Variants in CTSO observed in about 807,000 individuals in gnomAD.
CTSO encodes cathepsin O.
CTSO carries 40 observed loss-of-function variants against 42.4 expected under a neutral mutation model. That is an observed-to-expected ratio of 0.94 (90% confidence interval 0.73 to 1.23). The LOEUF is 1.23. Ranked by LOEUF, CTSO falls within the 50% of genes most tolerant of loss-of-function variation. The probability of loss-of-function intolerance (pLI) is 0.00; values close to 1 mark genes in which losing one functional copy is unlikely to be tolerated. For synonymous variants in CTSO, 156 were observed against 146.2 expected, an observed-to-expected ratio of 1.07 and a Z score of -0.48; for missense variants, 441 against 396.0, an observed-to-expected ratio of 1.11 and a Z score of -0.96.
chr4:155,927,078 A>T (rs1164364920), intron 7 of CTSO, among the ~76,000 whole-genome samples: 1 of 152,138 alleles, frequency 6.6e-6, no homozygotes, highest in Non-Finnish European at 1.5e-5. Flanking sequence ...TCTGGCCAAT[A>T]TATTTCTGTG....
chr4:155,939,533 T>A lies in CTSO; in HGVS notation c.390A>T (p.Gly130=). 1 of 1,611,026 alleles carries A rather than the reference T, an allele frequency of 6.2e-7. No individual in the cohort carries two copies. Residue 130 remains glycine, a synonymous_variant, in exon 4 of 8, where the codon GGA becomes GGT. Coordinates refer to ENST00000433477, the MANE Select transcript of CTSO (RefSeq NM_001334.3). Reference sequence around the variant, plus strand: ...CCACCACGCTGAAGGCCCAGCATCCTCCACACTGTTTAAAAACAGAAAAAG... The same window carrying A: ...CCACCACGCTGAAGGCCCAGCATCCACCACACTGTTTAAAAACAGAAAAAG... ...VTQVRNQQMC[G]GCWAFSVVGA...
rs1193057537 is a variant in CTSO at position 155,929,563 on chromosome 4, T to C, written c.817A>G (p.Ile273Val). 1 of 1,613,384 alleles carries C rather than the reference T, an allele frequency of 6.2e-7. No individual in the cohort carries two copies. The highest frequency in any genetic ancestry group is 8.5e-7 in the Non-Finnish European group (1 of 1,179,798). ...TTACCTGTTTTATCAAACCCAGTTA[T>C]GAGAACTGCATGATTTGCTTCTCCA... ...SSGEANHAVLITGFDKTGSTP... is the reference protein window; with the variant it reads ...SSGEANHAVLVTGFDKTGSTP... The change falls in exon 6 of 8, where the codon ATA becomes GTA. Residue 273 changes from isoleucine (I) to valine (V), a missense_variant. Ile to Val is a conservative substitution (Grantham distance 29). Transcript: ENST00000433477.
chr4:155,940,842 C>A (rs1352254876), intron 3 of CTSO, among the ~76,000 whole-genome samples: 28 of 136,082 alleles, frequency 2.1e-4, no homozygotes, highest in South Asian at 2.4e-4. Context: ...GACTCCGTCT[C>A]AAAAAAAAAA....
intron 3 of CTSO, among the ~76,000 whole-genome samples, chr4:155,941,623 C>T (rs574887832): frequency 6.6e-6 from 1 of 152,308 alleles, no homozygotes; most frequent in Non-Finnish European, 1.5e-5. Flanking sequence ...TCTTTTAAAA[C>T]ATATGTCATT....
chr4:155,948,351 G>A (rs908429994), intron 1 of CTSO, among the ~76,000 whole-genome samples: 10 of 144,810 alleles, frequency 6.9e-5, no homozygotes, highest in African/African-American at 2.5e-4. Flanking sequence ...CTTCTAAGAG[G>A]TAGAATCTCT....
At chr4:155,939,920 C>T (rs1176121069) in intron 3 of CTSO, among the ~76,000 whole-genome samples, 2 of 152,176 alleles carry the variant, frequency 1.3e-5, no homozygotes, top group Admixed American at 6.5e-5. Context: ...ACTCCCGCCC[C>T]AACCTTCCAT....
chr4:155,927,514 AATCCCAGCACT>A (rs1194348715), intron 7 of CTSO, among the ~76,000 whole-genome samples: 2 of 152,206 alleles, frequency 1.3e-5, no homozygotes, highest in Non-Finnish European at 2.9e-5. Context: ...TCACGCCTGT[AATCCCAGCACT>A]TTGGGAGGCC....
chr4:155,929,957 A>C (rs990122309), intron 5 of CTSO, among the ~76,000 whole-genome samples: 1 of 152,214 alleles, frequency 6.6e-6, no homozygotes, highest in African/African-American at 2.4e-5. Flanking sequence ...TTCATGGTCC[A>C]AGATGGTTGC....
At chr4:155,926,825 G>A (rs535966935) in intron 7 of CTSO, among the ~76,000 whole-genome samples, 99 of 152,272 alleles carry the variant, frequency 6.5e-4, no homozygotes, top group South Asian at 2.5e-3. Context: ...GGTGAGGGAC[G>A]TAGTTATAAT....
At position 155,953,275 on chromosome 4, in the gene CTSO, G is replaced by GA. The variant is rs997694677; in HGVS notation, c.135+437dup. Among the ~76,000 whole-genome samples, 60 of 147,744 alleles carry GA rather than the reference G, an allele frequency of 4.1e-4. 1 individual carries two copies. The highest frequency in any genetic ancestry group is 9.4e-4 in the African/African-American group (38 of 40,368). On this transcript the variant is annotated intron_variant, in intron 1 of 7. Transcript: ENST00000433477. ...TTCTGATCACTAGCGCCCTCCTCGG[G>GA]AAAAAAAAACACGACAGGTTTCTTC...
At chr4:155,935,154 G>T (rs1743307562) in intron 5 of CTSO, among the ~76,000 whole-genome samples, 1 of 152,108 alleles carries the variant, frequency 6.6e-6, no homozygotes, top group African/African-American at 2.4e-5. Context: ...GGTTTATCGG[G>T]GGTTACGCTT....
Position 155,939,491 on chromosome 4 carries a change from A to C in CTSO, c.432T>G (p.Ala144=), listed in dbSNP as rs1743390853. 2 of 1,614,112 alleles carry C rather than the reference A, an allele frequency of 1.2e-6. No homozygotes were observed. The highest frequency in any genetic ancestry group is 4.5e-5 in the East Asian group (2 of 44,874). The change falls in exon 4 of 8, where the codon GCT becomes GCG. Residue 144 remains alanine (A), a synonymous_variant. Transcript: ENST00000433477. ...AFSVVGAVES[A]YAIKGKPLED... is the part of the protein sequence containing the mutation. ...CCAGGGGCTTCCCCTTTATTGCATA[A>C]GCAGATTCCACTGCCCCCACCACGC...
chr4:155,953,628 T>C, intron 1 of CTSO, 85 bp downstream of exon 1: 4 of 1,224,316 alleles, frequency 3.3e-6, no homozygotes, highest in Non-Finnish European at 4.1e-6. Flanking sequence ...CAGGGTCAGC[T>C]CTCGGGGGCC....
At position 155,953,146 on chromosome 4, in the gene CTSO, C is replaced by T. The variant is rs144228483; in HGVS notation, c.135+567G>A. Among the ~76,000 whole-genome samples the T allele has an allele frequency of 2.1e-3, 326 of 152,046 alleles. 4 individuals carry two copies. The highest frequency in any genetic ancestry group is 0.014 in the East Asian group (72 of 5,162). ...GCTTCTCTTTTCTTCAACTCAGTCT[C>T]CGCCAAGGCAGGAAGAACTTTTAAA... On this transcript the variant is annotated intron_variant, in intron 1 of 7. Coordinates refer to ENST00000433477, the MANE Select transcript of CTSO (RefSeq NM_001334.3).
Position 155,944,056 on chromosome 4 carries a change from T to C in CTSO, c.136-792A>G, listed in dbSNP as rs1279305463. On this transcript the variant is annotated intron_variant, in intron 1 of 7. Coordinates refer to ENST00000433477, the MANE Select transcript of CTSO (RefSeq NM_001334.3). ...ACATATTTGTCTATGTACTTATGTG[T>C]TTATTGTGTGTCTGTATCAAAAACC... is the stretch of plus-strand genomic sequence containing the variant. Among the ~76,000 whole-genome samples the C allele has an allele frequency of 6.6e-5, 10 of 152,226 alleles. 1 individual carries two copies. Among genetic ancestry groups the C allele is most frequent in the Admixed American group, 5.9e-4 (9 of 15,288 alleles).
At chr4:155,945,495 C>T (rs187093338) in intron 1 of CTSO, among the ~76,000 whole-genome samples, 190 of 152,270 alleles carry the variant, frequency 1.2e-3, no homozygotes, top group African/African-American at 4.2e-3. Context: ...AGCCTTTTAT[C>T]AGCTAAAGGC....
intron 1 of CTSO, among the ~76,000 whole-genome samples, chr4:155,945,355 A>T (rs1743522793): frequency 6.6e-6 from 1 of 152,192 alleles, no homozygotes; most frequent in African/African-American, 2.4e-5. Context: ...ATGATTACAG[A>T]TGCTTCAGGC....
chr4:155,938,371 G>T (rs546318479), intron 4 of CTSO, among the ~76,000 whole-genome samples: 2 of 152,280 alleles, frequency 1.3e-5, no homozygotes, highest in African/African-American at 4.8e-5. Context: ...GCAACCAATG[G>T]ATAATGGAAG....
At chr4:155,934,402 G>T (rs927546624) in intron 5 of CTSO, among the ~76,000 whole-genome samples, 1 of 152,204 alleles carries the variant, frequency 6.6e-6, no homozygotes. Flanking sequence ...AAAAATGTGG[G>T]GTTGGAGGCT....
Sources: allele counts gnomAD v4.1 joint callset (sites outside exome capture counted in the v4.1 genomes callset), GRCh38; gene constraint gnomAD v4.1.1; transcripts MANE v1.5; gene names NCBI Gene and HGNC (gene_info 2026-07-23, HGNC 2026-07-21).